PDYN: variants seen among roughly 807,000 people sequenced by gnomAD.
PDYN encodes the protein proenkephalin-B.
A neutral mutation model predicts 11.4 loss-of-function variants in PDYN; 5 were observed. The observed-to-expected ratio is 0.44, with a 90% CI of 0.23 to 0.92. The LOEUF (loss-of-function observed/expected upper bound fraction) is 0.92, where lower values mean the gene tolerates loss of function less well. Ranked by LOEUF, PDYN falls within the 40% of genes least tolerant of loss-of-function variation. The pLI is 0.24. For synonymous variants in PDYN, 132 were observed against 129.5 expected (o/e 1.02, Z -0.13); for missense variants, 337 against 317.3 (o/e 1.06, Z -0.47).
chr20:1,980,301 T>A lies in PDYN; in HGVS notation c.*22A>T. The A allele has an allele frequency of 6.2e-7, 1 of 1,613,638 alleles. No homozygotes were observed. Among genetic ancestry groups the A allele is most frequent in the Non-Finnish European group, 8.5e-7 (1 of 1,179,668 alleles). ...AAAGGTGTCAGGGGTTTCTCCTGACTCTACTCCATGAAAAGAGGTGCTTAT... is the reference window on the plus strand; with the variant it reads ...AAAGGTGTCAGGGGTTTCTCCTGACACTACTCCATGAAAAGAGGTGCTTAT... On this transcript the variant is annotated 3_prime_UTR_variant, in exon 4 of 4. Coordinates refer to ENST00000217305, the MANE Select transcript of PDYN (RefSeq NM_024411.5).
rs555501082 is a variant in PDYN, at chr20:1,979,718, G to A, written c.*605C>T. On this transcript the variant is annotated 3_prime_UTR_variant, in exon 4 of 4. Transcript: ENST00000217305. ...GAAGACTGGACCCTCTACTGTAAGG[G>A]TTCCTGATCCAATATAAGGCAATGT... 1.2e-5 allele frequency: 2 copies of A among 164,004 alleles called. No homozygotes were observed. The highest frequency in any genetic ancestry group is 3.0e-4 in the South Asian group (2 of 6,558). 10.2% of individuals were successfully genotyped at this position (164,004 alleles called of 1,614,324 possible).
chr20:1,988,220 C>T (rs1028141681), intron 2 of PDYN, among the ~76,000 whole-genome samples: 2 of 152,122 alleles, frequency 1.3e-5, no homozygotes, highest in East Asian at 3.9e-4. Context: ...GAGGGCCAGA[C>T]TGAGGCTGAG....
chr20:1,983,182 T>C, intron 2 of PDYN, 79 bp from the exon 3 acceptor site: 1 of 1,245,268 alleles, frequency 8.0e-7, no homozygotes, highest in Non-Finnish European at 1.1e-6. Context: ...CAAAGTCATC[T>C]CTAACTCCTG....
Position 1,992,310 on chromosome 20 carries a change from C to T in PDYN, c.-20+274G>A, listed in dbSNP as rs151262628. ...TGACAGATGGAAAATTCCTGCCTCC[C>T]AGGAGTTACTTCAAGAAACCTTAAC... On this transcript the variant is annotated intron_variant, in intron 2 of 3. Transcript: ENST00000217305. Among the ~76,000 whole-genome samples the T allele has an allele frequency of 9.9e-5, 15 of 151,916 alleles. No individual in the cohort carries two copies. In the East Asian group the frequency reaches 2.9e-3, roughly 30 times the overall value.
rs761983515 is a variant in PDYN, at chr20:1,980,458, G to C, written c.630C>G (p.Phe210Leu). 6.2e-7 allele frequency: 1 copy of C among 1,614,148 alleles called. No homozygotes were observed. The highest frequency in any genetic ancestry group is 8.5e-7 in the Non-Finnish European group (1 of 1,180,034). Residue 210 changes from phenylalanine (F) to leucine (L), a missense_variant, in exon 4 of 4, where the codon TTC (phenylalanine) becomes TTG (leucine). Phe to Leu is a conservative substitution (Grantham distance 22). Coordinates refer to ENST00000217305, the MANE Select transcript of PDYN (RefSeq NM_024411.5). ...TGAGCTTGGGACGAATGCGCCGCAA[G>C]AAGCCCCCATAGCGTTTGTACAGGT... ...HEDLYKRYGG[F>L]LRRIRPKLKW...
Position 1,980,061 on chromosome 20 carries a change from C to T in PDYN, c.*262G>A, listed in dbSNP as rs1051445722. 45 of 530,266 alleles carry T rather than the reference C, an allele frequency of 8.5e-5. 1 individual carries two copies. The highest frequency in any genetic ancestry group is 1.3e-4 in the Non-Finnish European group (39 of 292,516). The allele number at this position is 530,266 out of a possible 1,614,324, so 32.8% of individuals were successfully genotyped here. On this transcript the variant is annotated 3_prime_UTR_variant, in exon 4 of 4. Transcript: ENST00000217305. ...AAACTGCTGCTGCTGCTGCTGCTGCCGCTGCTGATAGTTTTAGAGTCTAGG... is the reference window on the plus strand; with the variant it reads ...AAACTGCTGCTGCTGCTGCTGCTGCTGCTGCTGATAGTTTTAGAGTCTAGG...
At chr20:1,986,236 C>T (rs1988177877) in intron 2 of PDYN, among the ~76,000 whole-genome samples, 1 of 152,190 alleles carries the variant, frequency 6.6e-6, no homozygotes, top group Non-Finnish European at 1.5e-5. Context: ...CAAGATTCTA[C>T]AGTGAGTAAG....
intron 2 of PDYN, among the ~76,000 whole-genome samples, chr20:1,988,945 C>T (rs990827602): frequency 6.6e-6 from 1 of 152,206 alleles, no homozygotes; most frequent in Non-Finnish European, 1.5e-5. Flanking sequence ...CCTTTGTTTG[C>T]ATCTATGTCT....
chr20:1,980,232 G>A lies in PDYN; in HGVS notation c.*91C>T. ...TACACAATGCTGAGCTGAGCATGGG[G>A]AAGGGGCACATATAAGAGGATGAAT... is the stretch of plus-strand genomic sequence containing the variant. On this transcript the variant is annotated 3_prime_UTR_variant, in exon 4 of 4. Coordinates refer to ENST00000217305, the MANE Select transcript of PDYN (RefSeq NM_024411.5). 1 of 1,255,964 alleles carries A rather than the reference G, an allele frequency of 8.0e-7. No homozygotes were observed. The highest frequency in any genetic ancestry group is 1.2e-6 in the Non-Finnish European group (1 of 856,416). 77.8% of individuals were successfully genotyped at this position (1,255,964 alleles called of 1,614,324 possible).
In PDYN at chr20:1,980,701, C is replaced by A; in HGVS notation, c.387G>T (p.Lys129Asn). Residue 129 changes from lysine to asparagine, a missense_variant, in exon 4 of 4, where the codon AAG becomes AAT. Coordinates refer to ENST00000217305, the MANE Select transcript of PDYN (RefSeq NM_024411.5). Reference protein sequence around the residue: ...ENTLSKSLEEKLRGLSDGFRE... With the variant: ...ENTLSKSLEENLRGLSDGFRE... ...TAAACCCGTCAGAGAGACCCCTGAG[C>A]TTCTCCTCCAGGCTCTTGCTCAGAG... is the stretch of plus-strand genomic sequence containing the variant. 1 of 1,614,202 alleles carries A rather than the reference C, an allele frequency of 6.2e-7. No individual in the cohort carries two copies. Among genetic ancestry groups the A allele is most frequent in the Non-Finnish European group, 8.5e-7 (1 of 1,180,038 alleles).
chr20:1,979,941 A>C lies in PDYN; in HGVS notation c.*382T>G. ...TCTAAGAGGGGCATGTGATCTGTTA[A>C]GTTTGGACATCATAGACCTACAGGT... On this transcript the variant is annotated 3_prime_UTR_variant, in exon 4 of 4. Transcript: ENST00000217305. 1 of 320,576 alleles carries C rather than the reference A, an allele frequency of 3.1e-6. No homozygotes were observed. Among genetic ancestry groups the C allele is most frequent in the Non-Finnish European group, 6.0e-6 (1 of 166,870 alleles). 19.9% of individuals were successfully genotyped at this position (320,576 alleles called of 1,614,324 possible).
At chr20:1,989,149 T>C (rs1988322970) in intron 2 of PDYN, among the ~76,000 whole-genome samples, 1 of 152,246 alleles carries the variant, frequency 6.6e-6, no homozygotes, top group African/African-American at 2.4e-5. Context: ...CACTTGAACA[T>C]ATTCTTAAAT....
Position 1,983,860 on chromosome 20 carries a change from A to G in PDYN, c.-19-757T>C, listed in dbSNP as rs564464794. ...TCCCACACTTCAGCTCTGGGCTCCA[A>G]CCACATCAGCTTCTTGCAATTCCCT... On this transcript the variant is annotated intron_variant, in intron 2 of 3. Coordinates refer to ENST00000217305, the MANE Select transcript of PDYN (RefSeq NM_024411.5). Among the ~76,000 whole-genome samples, 6 of 152,266 alleles carry G rather than the reference A, an allele frequency of 3.9e-5. No homozygotes were observed. In the South Asian group the frequency reaches 8.3e-4, roughly 21 times the overall value.
intron 2 of PDYN, among the ~76,000 whole-genome samples, chr20:1,984,147 G>A (rs1461540615): frequency 1.3e-5 from 2 of 152,122 alleles, no homozygotes; most frequent in African/African-American, 4.8e-5. Context: ...TTGGTTCCAC[G>A]TCTTGTCTTT....
chr20:1,985,152 T>C (rs1438523656), intron 2 of PDYN, among the ~76,000 whole-genome samples: 2 of 152,118 alleles, frequency 1.3e-5, no homozygotes, highest in Non-Finnish European at 2.9e-5. Flanking sequence ...CTGCCGTGTT[T>C]GCTCAGGTGC....
chr20:1,987,218 G>C (rs1478783768), intron 2 of PDYN, among the ~76,000 whole-genome samples: 1 of 150,816 alleles, frequency 6.6e-6, no homozygotes, highest in Admixed American at 6.6e-5. Context: ...ATCTAAATGT[G>C]ACTGGAAGAC....
At chr20:1,986,724 A>G (rs1009480280) in intron 2 of PDYN, among the ~76,000 whole-genome samples, 1 of 152,254 alleles carries the variant, frequency 6.6e-6, no homozygotes, top group African/African-American at 2.4e-5. Flanking sequence ...CAGCAAGTAC[A>G]CAGCACCCAG....
chr20:1,992,126 C>A (rs559876953), intron 2 of PDYN, among the ~76,000 whole-genome samples: 4 of 152,188 alleles, frequency 2.6e-5, no homozygotes, highest in African/African-American at 9.6e-5. Flanking sequence ...CTTGCAATAA[C>A]CTTAGGAGGT....
chr20:1,993,240 A>C (rs1988527191), intron 1 of PDYN, among the ~76,000 whole-genome samples: 1 of 152,002 alleles, frequency 6.6e-6, no homozygotes, highest in South Asian at 2.1e-4. Flanking sequence ...TTCCAAGTAA[A>C]ATGGACAAGA....
Sources: gnomAD v4.1 joint callset for allele counts (sites outside exome capture counted in the v4.1 genomes callset) on GRCh38, gnomAD v4.1.1 for gene constraint, MANE v1.5 for transcripts, NCBI Gene and HGNC (gene_info 2026-07-23, HGNC 2026-07-21) for gene names.